The following RALGPS1 variants were observed in gnomAD, a reference collection of about 807,000 sequenced individuals.
RALGPS1 encodes Ral GEF with PH domain and SH3 binding motif 1.
RALGPS1 carries 19 observed loss-of-function variants against 78.8 expected under a neutral mutation model. The observed-to-expected ratio is 0.24, with a 90% CI of 0.17 to 0.35. The LOEUF is 0.35. Ranked by LOEUF, RALGPS1 falls within the 10% of genes least tolerant of loss-of-function variation. RALGPS1 has a pLI of 1.00. For missense variants in RALGPS1, 454 were observed against 688.3 expected (o/e 0.66, Z 3.81); for synonymous variants, 228 against 256.3 (o/e 0.89, Z 1.06).
chr9:127,191,700 G>GTTTTTT (rs11375987), intron 11 of RALGPS1, among the ~76,000 whole-genome samples: 2 of 125,538 alleles, frequency 1.6e-5, no homozygotes, highest in Non-Finnish European at 3.3e-5. Flanking sequence ...GTTTTTTTTT[G>GTTTTTT]TTTTTTTTTT....
chr9:127,172,865 A>G (rs1021129540), intron 10 of RALGPS1, among the ~76,000 whole-genome samples: 1 of 151,992 alleles, frequency 6.6e-6, no homozygotes, highest in Non-Finnish European at 1.5e-5. Context: ...CCATTGGGCA[A>G]TGCTCACCTG....
intron 11 of RALGPS1, among the ~76,000 whole-genome samples, chr9:127,182,352 C>T (rs573915249): frequency 6.4e-4 from 62 of 97,058 alleles, no homozygotes; most frequent in Non-Finnish European, 8.3e-4. Flanking sequence ...CTTCCTTCCT[C>T]CCTTCCTTCC....
In RALGPS1 at chr9:127,220,985, G is replaced by A. The variant is rs930622444; in HGVS notation, c.*2216G>A. The A allele has an allele frequency of 6.6e-6, 1 of 152,564 alleles. No homozygotes were observed. The highest frequency in any genetic ancestry group is 1.5e-5 in the Non-Finnish European group (1 of 68,034). The allele number at this position is 152,564 out of a possible 1,614,324, so 9.5% of individuals were successfully genotyped here. A position where few individuals can be genotyped will look rare whatever the true frequency, so the allele number is the denominator to read the frequency against. On this transcript the variant is annotated 3_prime_UTR_variant, in exon 19 of 19. Transcript: ENST00000259351. ...TTTAGTCTTCTCACTAATTGAGTCTGCTTCCACGTCCTCTCCCAGGAACAT... is the reference window on the plus strand; with the variant it reads ...TTTAGTCTTCTCACTAATTGAGTCTACTTCCACGTCCTCTCCCAGGAACAT...
chr9:127,214,925 C>T lies in RALGPS1; in HGVS notation c.1644+83C>T, dbSNP rs149587905. On this transcript the variant is annotated intron_variant, in intron 18 of 18. Transcript: ENST00000259351. The stretch of plus-strand genomic sequence containing the variant: ...AAGGGTCTTTAGAAAACAGGGTTCC[C>T]TTCTTCTTTCAGAGCCCATTAGCCA... 9.5e-5 allele frequency: 150 copies of T among 1,586,572 alleles called. No homozygotes were observed. In the African/African-American group the frequency reaches 1.9e-3, roughly 21 times the overall value.
intron 4 of RALGPS1, among the ~76,000 whole-genome samples, chr9:127,005,579 T>C (rs1471954082): frequency 6.6e-6 from 1 of 152,150 alleles, no homozygotes; most frequent in Non-Finnish European, 1.5e-5. Context: ...AGGTTTTTTT[T>C]TATGAAATGG....
chr9:127,129,374 T>C (rs923708664), intron 8 of RALGPS1, among the ~76,000 whole-genome samples: 2 of 152,220 alleles, frequency 1.3e-5, no homozygotes, highest in African/African-American at 2.4e-5. Flanking sequence ...TCTGGAACAT[T>C]GTCTGTGCCA....
intron 8 of RALGPS1, among the ~76,000 whole-genome samples, chr9:127,132,794 G>T (rs1486519725): frequency 6.6e-6 from 1 of 152,176 alleles, no homozygotes; most frequent in Admixed American, 6.5e-5. Context: ...AGAATTAAAT[G>T]ACATAAAATA....
intron 1 of RALGPS1, among the ~76,000 whole-genome samples, chr9:126,955,560 G>GAT (rs1446626998): frequency 6.6e-6 from 1 of 151,990 alleles, no homozygotes; most frequent in Non-Finnish European, 1.5e-5. Context: ...CAATAATAAA[G>GAT]ATATATATTC....
chr9:127,017,973 T>C (rs1422205983), intron 4 of RALGPS1, among the ~76,000 whole-genome samples: 3 of 152,216 alleles, frequency 2.0e-5, no homozygotes, highest in Non-Finnish European at 2.9e-5. Context: ...TCCCAGCACT[T>C]TGGGAGGCCG....
At chr9:127,176,623 G>A (rs146004443) in intron 11 of RALGPS1, among the ~76,000 whole-genome samples, 1 of 152,338 alleles carries the variant, frequency 6.6e-6, no homozygotes, top group Non-Finnish European at 1.5e-5. Flanking sequence ...AGCCTCTTCA[G>A]TTCAATAGCC....
chr9:127,124,285 T>G (rs2056434063), intron 8 of RALGPS1, among the ~76,000 whole-genome samples: 1 of 152,202 alleles, frequency 6.6e-6, no homozygotes, highest in South Asian at 2.1e-4. Context: ...CACTCTCTTT[T>G]GAAGCCCCGA....
At chr9:127,198,785 G>A (rs1034912048) in intron 13 of RALGPS1, among the ~76,000 whole-genome samples, 2 of 152,158 alleles carry the variant, frequency 1.3e-5, no homozygotes, top group Non-Finnish European at 2.9e-5. Context: ...TGTGGCCCCC[G>A]GGGGCAGTGG....
At chr9:127,014,080 G>A (rs2044602039) in intron 4 of RALGPS1, among the ~76,000 whole-genome samples, 1 of 152,198 alleles carries the variant, frequency 6.6e-6, no homozygotes, top group Non-Finnish European at 1.5e-5. Context: ...AAGACTGACT[G>A]GCATTACTGA....
rs913193145 is a variant in RALGPS1, at chr9:127,222,552, C to G, written c.*3783C>G. ...TGTTGAGAACTTGTACCATGGACTT[C>G]AGACCGCCTTGCAGCCGTATGCTGC... On this transcript the variant is annotated 3_prime_UTR_variant, in exon 19 of 19. Coordinates refer to ENST00000259351, the MANE Select transcript of RALGPS1 (RefSeq NM_014636.3). 11 of 152,434 alleles carry G rather than the reference C, an allele frequency of 7.2e-5. No individual in the cohort carries two copies. Among genetic ancestry groups the G allele is most frequent in the Admixed American group, 7.2e-4 (11 of 15,310 alleles). The allele number at this position is 152,434 out of a possible 1,614,324, so 9.4% of individuals were successfully genotyped here.
intron 8 of RALGPS1, among the ~76,000 whole-genome samples, chr9:127,145,002 AAAT>A (rs763927290): frequency 1.3e-5 from 2 of 152,238 alleles, no homozygotes; most frequent in Admixed American, 6.5e-5. Context: ...CCACAATAAA[AAAT>A]AATAATAATA....
intron 1 of RALGPS1, among the ~76,000 whole-genome samples, chr9:126,946,633 C>T (rs756384754): frequency 2.0e-5 from 3 of 151,514 alleles, no homozygotes; most frequent in Admixed American, 1.3e-4. Context: ...ACTGTGATTC[C>T]GAACACACAC....
intron 11 of RALGPS1, among the ~76,000 whole-genome samples, chr9:127,187,207 C>G (rs1280172265): frequency 6.6e-6 from 1 of 152,224 alleles, no homozygotes; most frequent in African/African-American, 2.4e-5. Context: ...ATAATAGATG[C>G]TAGTTCCCAT....
chr9:127,172,833 T>C (rs562091737), intron 10 of RALGPS1, among the ~76,000 whole-genome samples: 1 of 152,290 alleles, frequency 6.6e-6, no homozygotes, highest in East Asian at 1.9e-4. Flanking sequence ...CGTCTGCTCC[T>C]GGGGCTGCCT....
intron 14 of RALGPS1, among the ~76,000 whole-genome samples, chr9:127,210,341 A>T (rs573174412): frequency 6.6e-6 from 1 of 152,236 alleles, no homozygotes; most frequent in Non-Finnish European, 1.5e-5. Context: ...GCCGTGGACT[A>T]TCTGGGCTGT....
Sources: allele counts gnomAD v4.1 joint callset (sites outside exome capture counted in the v4.1 genomes callset), GRCh38; gene constraint gnomAD v4.1.1; transcripts MANE v1.5; gene names NCBI Gene and HGNC (gene_info 2026-07-23, HGNC 2026-07-21).